EBF3: variants seen among roughly 807,000 people sequenced by gnomAD.
The protein encoded by EBF3 is EBF transcription factor 3, also known as transcription factor COE3.
In EBF3, 18 loss-of-function variants were observed where a neutral mutation model predicts 77.1. The ratio of observed to expected loss-of-function variants is 0.23; its 90% CI spans 0.16 to 0.35. EBF3 has a LOEUF of 0.35. Ranked by LOEUF, EBF3 falls within the 10% of genes least tolerant of loss-of-function variation. The pLI is 1.00. For synonymous variants in EBF3, 350 were observed against 343.5 expected, an observed-to-expected ratio of 1.02 and a Z score of -0.21; for missense variants, 558 against 860.0, an observed-to-expected ratio of 0.65 and a Z score of 4.39.
At chr10:129,928,776 G>A (rs986933396) in intron 6 of EBF3, among the ~76,000 whole-genome samples, 1 of 152,324 alleles carries the variant, frequency 6.6e-6, no homozygotes, top group South Asian at 2.1e-4. Flanking sequence ...TGTTCTGAGA[G>A]TCAGTTTACG....
chr10:129,890,345 C>T (rs1564861119), intron 6 of EBF3, among the ~76,000 whole-genome samples: 1 of 152,208 alleles, frequency 6.6e-6, no homozygotes, highest in African/African-American at 2.4e-5. Flanking sequence ...AGGCCAGCAT[C>T]GAGATCCCAG....
rs895889390 is a variant in EBF3, at chr10:129,930,253, G to A, written c.554+27005C>T. On this transcript the variant is annotated intron_variant, in intron 6 of 16. Transcript: ENST00000440978. ...GCATCCCAGGGTCTCCAGCTTGCAG[G>A]CAATCTGTCATGGGACTTCTCAGCC... is the stretch of plus-strand genomic sequence containing the variant. Among the ~76,000 whole-genome samples, 23 of 152,162 alleles carry A rather than the reference G, an allele frequency of 1.5e-4. 1 individual carries two copies. The highest frequency in any genetic ancestry group is 5.3e-4 in the African/African-American group (22 of 41,422).
intron 6 of EBF3, among the ~76,000 whole-genome samples, chr10:129,911,853 C>T (rs766858107): frequency 1.3e-5 from 2 of 152,172 alleles, no homozygotes; most frequent in Non-Finnish European, 2.9e-5. Context: ...GTTCGGCAGC[C>T]GAAGGGAGCT....
intron 6 of EBF3, among the ~76,000 whole-genome samples, chr10:129,898,451 G>A (rs1049731786): frequency 6.6e-6 from 1 of 152,158 alleles, no homozygotes; most frequent in East Asian, 1.9e-4. Flanking sequence ...ATGGGATATC[G>A]GTGGGCTATT....
chr10:129,906,355 T>C (rs904288381), intron 6 of EBF3, among the ~76,000 whole-genome samples: 2 of 152,236 alleles, frequency 1.3e-5, no homozygotes, highest in African/African-American at 4.8e-5. Flanking sequence ...GCATTGCCAA[T>C]ATAAAATGAT....
chr10:129,958,862 C>T (rs1446670924), intron 5 of EBF3, 72 bp downstream of exon 5: 2 of 1,498,564 alleles, frequency 1.3e-6, no homozygotes, highest in Admixed American at 2.5e-5. Context: ...GGCGCCTGGA[C>T]GCGGCGTCCT....
intron 6 of EBF3, among the ~76,000 whole-genome samples, chr10:129,910,941 G>A (rs758229142): frequency 1.8e-4 from 27 of 152,152 alleles, no homozygotes; most frequent in Non-Finnish European, 2.6e-4. Flanking sequence ...GGCCATGGCC[G>A]AAGCTGCTAA....
intron 10 of EBF3, among the ~76,000 whole-genome samples, chr10:129,852,149 C>T (rs567961568): frequency 3.3e-5 from 5 of 152,278 alleles, no homozygotes; most frequent in South Asian, 4.2e-4. Context: ...GAGCCTGACA[C>T]GACCACATAG....
At chr10:129,839,297 G>A (rs1299794935) in intron 15 of EBF3, 102 bp from the exon 16 acceptor site, 5 of 513,130 alleles carry the variant, frequency 9.7e-6, no homozygotes, top group African/African-American at 8.0e-5. Context: ...ACCAAAGGTG[G>A]TGTCTGAAAG....
Position 129,911,289 on chromosome 10 carries a change from G to A in EBF3, c.555-33440C>T, listed in dbSNP as rs186350562. Among the ~76,000 whole-genome samples, 38 of 152,310 alleles carry A rather than the reference G, an allele frequency of 2.5e-4. 1 individual carries two copies. The East Asian group carries it at 5.4e-3, about 22-fold the overall frequency. ...GGCCTGACAGGTGCAGAGACCCACAGGCCTTCTCATCCCACAGCCAGCTGG... is the reference window on the plus strand; with the variant it reads ...GGCCTGACAGGTGCAGAGACCCACAAGCCTTCTCATCCCACAGCCAGCTGG... On this transcript the variant is annotated intron_variant, in intron 6 of 16. Transcript: ENST00000440978.
At position 129,963,574 on chromosome 10, in the gene EBF3, C is replaced by T. The variant is rs758204080; in HGVS notation, c.135-51G>A. 1.3e-5 allele frequency: 16 copies of T among 1,258,418 alleles called. No individual in the cohort carries two copies. The highest frequency in any genetic ancestry group is 1.5e-5 in the Non-Finnish European group (15 of 994,566). The allele number at this position is 1,258,418 out of a possible 1,614,324, so 78.0% of individuals were successfully genotyped here. ...CGGTGAGGAGCGCGGCGCCGGCCGG[C>T]GGAGGGGGCCGGGCCGGGCCGGGGC... On this transcript the variant is annotated intron_variant, in intron 1 of 16. Coordinates refer to ENST00000440978, the MANE Select transcript of EBF3 (RefSeq NM_001375380.1). The surrounding 1 kb of genome is among the most constrained non-coding windows in gnomAD (Gnocchi z 7.1).
intron 6 of EBF3, among the ~76,000 whole-genome samples, chr10:129,909,846 G>A (rs531122007): frequency 8.2e-4 from 125 of 152,258 alleles, no homozygotes; most frequent in African/African-American, 2.9e-3. Context: ...TTTCCTCGCC[G>A]CTCTGACCTC....
chr10:129,936,719 TGGGGACCCAGGGGGCTATGG>T (rs1345635894), intron 6 of EBF3, among the ~76,000 whole-genome samples: 1 of 115,300 alleles, frequency 8.7e-6, no homozygotes, highest in African/African-American at 3.5e-5. Context: ...CTCAGCTGTG[TGGGGACCCAGGGGGCTATGG>T]GGGGACCCTC....
rs1459094578 is a variant in EBF3, at chr10:129,947,662, T to C, written c.554+9596A>G. Among the ~76,000 whole-genome samples, 1 of 151,698 alleles carries C rather than the reference T, an allele frequency of 6.6e-6. No homozygotes were observed. The highest frequency in any genetic ancestry group is 1.5e-5 in the Non-Finnish European group (1 of 67,988). ...AAGTTAAAATGTTTTCATTTCTTTC[T>C]TTGCAAAGGAACCAAATGCTTTGAA... On this transcript the variant is annotated intron_variant, in intron 6 of 16. Coordinates refer to ENST00000440978, the MANE Select transcript of EBF3 (RefSeq NM_001375380.1). The surrounding 1 kb of genome is among the most constrained non-coding windows in gnomAD (Gnocchi z 4.5).
intron 15 of EBF3, among the ~76,000 whole-genome samples, chr10:129,839,479 G>A (rs1849850494): frequency 6.6e-6 from 1 of 152,216 alleles, no homozygotes; most frequent in Admixed American, 6.5e-5. Context: ...GGCAGGCACA[G>A]GGTGCCCACC....
intron 10 of EBF3, among the ~76,000 whole-genome samples, chr10:129,852,486 G>A (rs1196024845): frequency 6.6e-6 from 1 of 152,166 alleles, no homozygotes; most frequent in East Asian, 1.9e-4. Context: ...GCGGGCAGGA[G>A]GCACTGGGAT....
intron 11 of EBF3, among the ~76,000 whole-genome samples, chr10:129,843,645 TAAA>T (rs1025176645): frequency 1.3e-5 from 2 of 152,260 alleles, no homozygotes; most frequent in African/African-American, 4.8e-5. Flanking sequence ...ATATCTTAAT[TAAA>T]CTGGCAGAGT....
intron 6 of EBF3, among the ~76,000 whole-genome samples, chr10:129,906,546 G>A (rs1454089578): frequency 2.0e-5 from 3 of 152,200 alleles, no homozygotes; most frequent in South Asian, 2.1e-4. Flanking sequence ...TGTGAGTCTA[G>A]GGAGAGGACA....
chr10:129,882,387 T>C (rs1853270018), intron 6 of EBF3, among the ~76,000 whole-genome samples: 1 of 152,240 alleles, frequency 6.6e-6, no homozygotes, highest in Non-Finnish European at 1.5e-5. Flanking sequence ...GGCTGTTTAA[T>C]TGTAATTTAA....
Sources: allele counts gnomAD v4.1 joint callset (sites outside exome capture counted in the v4.1 genomes callset), GRCh38; gene constraint gnomAD v4.1.1; non-coding constraint Gnocchi (gnomAD v3.1); transcripts MANE v1.5; gene names NCBI Gene and HGNC (gene_info 2026-07-23, HGNC 2026-07-21).